REC8: variants seen among roughly 807,000 people sequenced by gnomAD.
REC8 encodes the protein REC8 meiotic recombination protein.
Under a neutral mutation model 78.3 loss-of-function variants are expected in REC8, and 42 were observed. The observed-to-expected ratio is 0.54, with a 90% CI of 0.42 to 0.69. The LOEUF (loss-of-function observed/expected upper bound fraction) is 0.69. REC8 is among the 30% of genes least tolerant of loss of function. The pLI, the probability that REC8 is intolerant of heterozygous loss-of-function variation, is 0.00. For synonymous variants in REC8, 268 were observed against 274.1 expected (o/e 0.98, Z 0.22); for missense variants, 581 against 715.8 (o/e 0.81, Z 2.15).
chr14:24,177,347 CCA>C lies in REC8; in HGVS notation c.707-3_707-2del, dbSNP rs1405914300. The C allele has an allele frequency of 1.2e-6, 2 of 1,614,056 alleles. No individual in the cohort carries two copies. The highest frequency in any genetic ancestry group is 2.7e-5 in the African/African-American group (2 of 74,916). On this transcript the variant is annotated splice_region_variant and splice_polypyrimidine_tract_variant and intron_variant, in intron 8 of 18. Transcript: ENST00000611366. The stretch of plus-strand genomic sequence containing the variant: ...TGTCCTCTGAACTCTGATTCTCTCT[CCA>C]CAGTCCCGCGGCTCCCACCTCCAGC...
Position 24,180,087 on chromosome 14 carries a change from T to A in REC8, c.1636T>A (p.Phe546Ile). Residue 546 changes from phenylalanine to isoleucine, a missense_variant, in exon 19 of 19, where the codon TTC (phenylalanine) becomes ATC (isoleucine). Phe to Ile is a conservative substitution (Grantham distance 21). Transcript: ENST00000611366. The part of the protein sequence containing the change: ...GRLLIQPGPR[F>I]H ...CCTCCTGATCCAGCCGGGGCCCAGA[T>A]TCCACTGAGGTTAGAGTCCATTTAC... 6.2e-7 allele frequency: 1 copy of A among 1,614,148 alleles called. No individual in the cohort carries two copies. The highest frequency in any genetic ancestry group is 8.5e-7 in the Non-Finnish European group (1 of 1,180,032).
rs2039015729 is a variant in REC8, at chr14:24,178,669, C to T, written c.1060C>T (p.Leu354Phe). The T allele has an allele frequency of 3.7e-6, 6 of 1,614,054 alleles. No individual in the cohort carries two copies. Among genetic ancestry groups the T allele is most frequent in the Non-Finnish European group, 5.1e-6 (6 of 1,179,980 alleles). Residue 354 changes from leucine (L) to phenylalanine (F), a missense_variant, in exon 13 of 19, where the codon CTC (leucine) becomes TTC (phenylalanine). Transcript: ENST00000611366. ...TGCGGAGTTGTTCAGAACCCCAACT[C>T]TCTGTAAGAATGGTGGGGGTTGGGC... is the stretch of plus-strand genomic sequence containing the variant. ...GPAELFRTPT[L>F]SGWLPPELLG...
At position 24,172,112 on chromosome 14, in the gene REC8, C is replaced by CG; in HGVS notation, c.-440dup. On this transcript the variant is annotated 5_prime_UTR_variant, in exon 1 of 19. Transcript: ENST00000611366. ...TGCAGTAGGCGGCCCGGGGCCACAC[C>CG]GCGGCCGCCCAAGCCAGTGCAAGGC... 6.0e-6 allele frequency: 1 copy of CG among 167,986 alleles called. No homozygotes were observed. 10.4% of individuals were successfully genotyped at this position (167,986 alleles called of 1,614,324 possible).
At chr14:24,175,429 C>T in intron 5 of REC8, 114 bp from the exon 6 acceptor site, 1 of 818,272 alleles carries the variant, frequency 1.2e-6, no homozygotes, top group South Asian at 1.5e-5. Context: ...GTCAATGCAA[C>T]AAGAATTAGG....
chr14:24,177,902 A>T, intron 11 of REC8, 144 bp downstream of exon 11: 1 of 1,479,762 alleles, frequency 6.8e-7, no homozygotes, highest in Non-Finnish European at 9.0e-7. Flanking sequence ...GCCCCATCGT[A>T]TCTGGCCTAC....
intron 2 of REC8, 53 bp from the exon 3 acceptor site, chr14:24,172,846 G>C (rs1283051890): frequency 1.2e-6 from 2 of 1,613,636 alleles, no homozygotes; most frequent in South Asian, 2.2e-5. Context: ...GGGTGGCCAA[G>C]ACTGTGGGCC....
intron 5 of REC8, among the ~76,000 whole-genome samples, chr14:24,174,897 A>G (rs1249964240): frequency 6.6e-6 from 1 of 152,048 alleles, no homozygotes; most frequent in Non-Finnish European, 1.5e-5. Flanking sequence ...GTGGGGTTAC[A>G]TACAACCTTG....
In REC8 at chr14:24,179,660, T is replaced by A; in HGVS notation, c.1385T>A (p.Val462Glu). 3 of 1,614,170 alleles carry A rather than the reference T, an allele frequency of 1.9e-6. No individual in the cohort carries two copies. Among genetic ancestry groups the A allele is most frequent in the Non-Finnish European group, 2.5e-6 (3 of 1,180,012 alleles). Residue 462 changes from valine (V) to glutamate (E), a missense_variant, in exon 17 of 19, where the codon GTG becomes GAG. Transcript: ENST00000611366. ...CCCGTGGTGCCTGAACTCCCTGAGG[T>A]GCCCATGGAGATGCCTTTGGTGCTG... ...ALPVVPELPE[V>E]PMEMPLVLPP...
intron 11 of REC8, 23 bp downstream of exon 11, chr14:24,177,781 C>T: frequency 2.1e-6 from 3 of 1,454,378 alleles, no homozygotes; most frequent in Non-Finnish European, 2.8e-6. Flanking sequence ...CCTTCTAATC[C>T]TCCTCCTCCT....
At chr14:24,174,619 C>G (rs1184001647) in intron 5 of REC8, among the ~76,000 whole-genome samples, 1 of 152,180 alleles carries the variant, frequency 6.6e-6, no homozygotes, top group Non-Finnish European at 1.5e-5. Context: ...ACTTCTCTCT[C>G]AGTCCTCTGG....
intron 13 of REC8, 25 bp downstream of exon 13, chr14:24,178,697 G>A (rs746505239): frequency 8.7e-6 from 14 of 1,613,748 alleles, no homozygotes; most frequent in Admixed American, 5.0e-5. Context: ...GGTTGGGCAC[G>A]AAGTATCCTC....
chr14:24,178,017 T>C, intron 11 of REC8, 74 bp from the exon 12 acceptor site: 1 of 1,554,294 alleles, frequency 6.4e-7, no homozygotes, highest in Admixed American at 1.8e-5. Context: ...TGGGGTCCTG[T>C]TAGCAGTCCA....
At chr14:24,179,206 C>T in intron 15 of REC8, 73 bp downstream of exon 15, 1 of 1,379,908 alleles carries the variant, frequency 7.2e-7, no homozygotes, top group Non-Finnish European at 1.0e-6. Context: ...ATCCCAACTG[C>T]TGAAGCTGTT....
rs1244320968 is a variant in REC8, at chr14:24,172,159, C to G, written c.-394C>G. 2 of 214,858 alleles carry G rather than the reference C, an allele frequency of 9.3e-6. No homozygotes were observed. Among genetic ancestry groups the G allele is most frequent in the Non-Finnish European group, 1.9e-5 (2 of 107,646 alleles). 13.3% of individuals were successfully genotyped at this position (214,858 alleles called of 1,614,324 possible). ...AGGCCCAGGGGCCTGACATCGCTCC[C>G]AGCGCTCGAGGACCGAGGCCTGCTG... On this transcript the variant is annotated 5_prime_UTR_variant, in exon 1 of 19. Transcript: ENST00000611366.
intron 6 of REC8, among the ~76,000 whole-genome samples, 185 bp from the exon 7 acceptor site, chr14:24,176,637 A>G (rs1270459945): frequency 6.6e-6 from 1 of 152,120 alleles, no homozygotes; most frequent in Non-Finnish European, 1.5e-5. Flanking sequence ...TCCCCACTTT[A>G]CCGATGAGGA....
rs777435227 is a variant in REC8, at chr14:24,172,624, G to A, written c.56+16G>A. 5.0e-6 allele frequency: 8 copies of A among 1,613,008 alleles called. No individual in the cohort carries two copies. Among genetic ancestry groups the A allele is most frequent in the Admixed American group, 1.7e-5 (1 of 59,942 alleles). ...CCACCATCTGGTAAGGGCGGGGCCC[G>A]TTGGCGCGCGATGGCGGACGCTGCC... On this transcript the variant is annotated intron_variant, in intron 1 of 18. Transcript: ENST00000611366.
At position 24,173,328 on chromosome 14, in the gene REC8, G is replaced by C. The variant is rs1216851832; in HGVS notation, c.379G>C (p.Glu127Gln). Residue 127 changes from glutamate to glutamine, a missense_variant, in exon 5 of 19, where the codon GAG (glutamate) becomes CAG (glutamine). By Grantham distance (29) the Glu-to-Gln change is conservative. Coordinates refer to ENST00000611366, the MANE Select transcript of REC8 (RefSeq NM_001048205.2). ...LLLPNHLAMMETLEDAPDPFF... is the reference protein window; with the variant it reads ...LLLPNHLAMMQTLEDAPDPFF... ...GCTTCCTAACCACCTGGCCATGATGGAGACCCTAGAAGATGCTCCAGATCC... is the reference window on the plus strand; with the variant it reads ...GCTTCCTAACCACCTGGCCATGATGCAGACCCTAGAAGATGCTCCAGATCC... 6.2e-7 allele frequency: 1 copy of C among 1,614,196 alleles called. No individual in the cohort carries two copies. Among genetic ancestry groups the C allele is most frequent in the Admixed American group, 1.7e-5 (1 of 60,032 alleles).
chr14:24,174,603 C>T (rs1163533678), intron 5 of REC8, among the ~76,000 whole-genome samples: 1 of 152,106 alleles, frequency 6.6e-6, no homozygotes, highest in Non-Finnish European at 1.5e-5. Flanking sequence ...AACTAGTCAT[C>T]CCCAGACTTC....
At chr14:24,173,609 C>T (rs367687356) in intron 5 of REC8, among the ~76,000 whole-genome samples, 198 bp downstream of exon 5, 2 of 152,194 alleles carry the variant, frequency 1.3e-5, no homozygotes, top group Admixed American at 6.5e-5. Context: ...TCTGATCAGA[C>T]GGTTTCCCCA....
Sources: allele counts gnomAD v4.1 joint callset (sites outside exome capture counted in the v4.1 genomes callset), GRCh38; gene constraint gnomAD v4.1.1; transcripts MANE v1.5; gene names NCBI Gene and HGNC (gene_info 2026-07-23, HGNC 2026-07-21).